The following SELENON variants were observed in gnomAD, a reference collection of about 807,000 sequenced individuals.
The protein encoded by SELENON is selenoprotein N, also known as selenoprotein N, 1.
Under a neutral mutation model 59.5 loss-of-function variants are expected in SELENON, and 44 were observed. That is an observed-to-expected ratio of 0.74 (90% confidence interval 0.58 to 0.95). SELENON has a LOEUF of 0.95. SELENON is among the 40% of genes least tolerant of loss of function. The pLI is 0.00. For synonymous variants in SELENON, 320 were observed against 305.6 expected (o/e 1.05, Z -0.49); for missense variants, 674 against 721.4 (o/e 0.93, Z 0.75).
At chr1:25,806,174 G>A (rs2047905611) in intron 4 of SELENON, among the ~76,000 whole-genome samples, 1 of 152,266 alleles carries the variant, frequency 6.6e-6, no homozygotes, top group Non-Finnish European at 1.5e-5. Flanking sequence ...ACTGAGGCCA[G>A]GCAGTGGGTG....
In SELENON at chr1:25,809,571, C is replaced by T. The variant is rs2047940103; in HGVS notation, c.873-112C>T. 8.7e-6 allele frequency: 13 copies of T among 1,488,636 alleles called. 1 individual carries two copies. The South Asian group carries it at 1.5e-4, about 17-fold the overall frequency. 92.2% of individuals were successfully genotyped at this position (1,488,636 alleles called of 1,614,324 possible). ...GCCTCGCTGCTGCCCACTGGCCCAT[C>T]CACCTCCACCCCCACACTCAGCCTC... On this transcript the variant is annotated intron_variant, in intron 6 of 12. Transcript: ENST00000361547.
At position 25,810,448 on chromosome 1, in the gene SELENON, T is replaced by C. The variant is rs142021988; in HGVS notation, c.1010+628T>C. Among the ~76,000 whole-genome samples, 9 of 152,288 alleles carry C rather than the reference T, an allele frequency of 5.9e-5. No individual in the cohort carries two copies. The East Asian group carries it at 1.5e-3, about 26-fold the overall frequency. On this transcript the variant is annotated intron_variant, in intron 7 of 12. Coordinates refer to ENST00000361547, the MANE Select transcript of SELENON (RefSeq NM_020451.3). ...CAAGTTTGTCCAGATTCCTAACTGATAGCAAGTGGCCACCGAGTGGGCCTG... is the reference window on the plus strand; with the variant it reads ...CAAGTTTGTCCAGATTCCTAACTGACAGCAAGTGGCCACCGAGTGGGCCTG...
chr1:25,813,542 G>C (rs2047984625), intron 10 of SELENON: 1 of 392,374 alleles, frequency 2.5e-6, no homozygotes, highest in Admixed American at 3.6e-5. Flanking sequence ...GGATGAGTAG[G>C]AGTTTCTCAA....
chr1:25,808,568 C>T lies in SELENON; in HGVS notation c.538-12C>T, dbSNP rs1430584009. ...TCTCAGATTCCTGGAGCTTTGCTTT[C>T]CCCCGCCCCAGGTCTCCCGCCTCGC... On this transcript the variant is annotated splice_polypyrimidine_tract_variant and intron_variant, in intron 4 of 12. Transcript: ENST00000361547. 1 of 1,612,834 alleles carries T rather than the reference C, an allele frequency of 6.2e-7. No individual in the cohort carries two copies. The highest frequency in any genetic ancestry group is 8.5e-7 in the Non-Finnish European group (1 of 1,179,610).
At position 25,808,099 on chromosome 1, in the gene SELENON, C is replaced by T. The variant is rs139708745; in HGVS notation, c.538-481C>T. 2.3e-3 allele frequency among the ~76,000 whole-genome samples: 347 copies of T among 152,332 alleles called. 1 individual carries two copies. Among genetic ancestry groups the T allele is most frequent in the Non-Finnish European group, 3.7e-3 (254 of 68,028 alleles). ...CTGAGCTGGCCAGTGGGACATTAGT[C>T]CCTGGGAGGAGACTTGGAGAGGAGA... On this transcript the variant is annotated intron_variant, in intron 4 of 12. Coordinates refer to ENST00000361547, the MANE Select transcript of SELENON (RefSeq NM_020451.3).
chr1:25,803,771 C>T (rs1026845370), intron 3 of SELENON, among the ~76,000 whole-genome samples: 4 of 150,572 alleles, frequency 2.7e-5, no homozygotes, highest in African/African-American at 4.9e-5. Context: ...GTGCTCGGCT[C>T]ACTGCAACCT....
chr1:25,800,641 A>G (rs2047853032), intron 1 of SELENON, among the ~76,000 whole-genome samples: 1 of 151,704 alleles, frequency 6.6e-6, no homozygotes, highest in Non-Finnish European at 1.5e-5. Context: ...GCTGGGACAG[A>G]CTGGAGGGGT....
In SELENON at chr1:25,800,240, G is replaced by C. The variant is rs1371866855; in HGVS notation, c.10G>C (p.Ala4Pro). 1.2e-5 allele frequency: 10 copies of C among 846,352 alleles called. No individual in the cohort carries two copies. The East Asian group carries it at 8.7e-4, about 74-fold the overall frequency. 52.4% of individuals were successfully genotyped at this position (846,352 alleles called of 1,614,324 possible). A position where few individuals can be genotyped will look rare whatever the true frequency, so the allele number is the denominator to read the frequency against. ...GCCGCCAGCCGCAGCCATGGGCCGG[G>C]CCCGGCCGGGCCAACGCGGGCCGCC... The change falls in exon 1 of 13, where the codon GCC becomes CCC. Residue 4 changes from alanine (A) to proline (P), a missense_variant. Physicochemically the swap from Ala to Pro is conservative, Grantham distance 27 (BLOSUM62 -1). Coordinates refer to ENST00000361547, the MANE Select transcript of SELENON (RefSeq NM_020451.3).
In SELENON at chr1:25,808,635, G is replaced by A. The variant is rs2124447180; in HGVS notation, c.593G>A (p.Ser198Asn). 4 of 1,613,828 alleles carry A rather than the reference G, an allele frequency of 2.5e-6. No homozygotes were observed. Among genetic ancestry groups the A allele is most frequent in the Non-Finnish European group, 3.4e-6 (4 of 1,179,948 alleles). The change falls in exon 5 of 13, where the codon AGT becomes AAT. Residue 198 changes from serine (S) to asparagine (N), a missense_variant. Coordinates refer to ENST00000361547, the MANE Select transcript of SELENON (RefSeq NM_020451.3). Reference sequence around the variant, plus strand: ...AACTGGACAGCCGCCGCCTCACCAAGTGCAGTGTTTGCCACCCGCCACTTC... The same window carrying A: ...AACTGGACAGCCGCCGCCTCACCAAATGCAGTGTTTGCCACCCGCCACTTC...
chr1:25,805,309 G>T, intron 4 of SELENON, 34 bp downstream of exon 3: 1 of 1,613,584 alleles, frequency 6.2e-7, no homozygotes, highest in Non-Finnish European at 8.5e-7. Flanking sequence ...GGGGTCATCT[G>T]TGTGTATCCC....
At chr1:25,815,397 G>A in intron 12 of SELENON, 151 bp from the exon 12 acceptor site, 1 of 677,472 alleles carries the variant, frequency 1.5e-6, no homozygotes. Context: ...GTGCTGGCGA[G>A]GGCTTACGGC....
chr1:25,805,336 T>G, intron 4 of SELENON, 61 bp downstream of exon 3: 1 of 1,608,364 alleles, frequency 6.2e-7, no homozygotes, highest in Non-Finnish European at 8.5e-7. Flanking sequence ...GAGTTTCTGC[T>G]CCATTCATCC....
At chr1:25,812,848 G>A (rs1370367175) in intron 10 of SELENON, 56 bp downstream of exon 9, 2 of 1,353,904 alleles carry the variant, frequency 1.5e-6, no homozygotes, top group Non-Finnish European at 2.1e-6. Flanking sequence ...ACCTTGTGGG[G>A]TACCAGAGGC....
At chr1:25,801,197 C>G (rs748144111) in intron 2 of SELENON, 37 bp downstream of exon 2, 1 of 1,541,490 alleles carries the variant, frequency 6.5e-7, no homozygotes, top group South Asian at 1.1e-5. Flanking sequence ...AGGAGGGCGC[C>G]TTGGCCAACG....
chr1:25,815,385 G>A (rs749032557), intron 12 of SELENON, among the ~76,000 whole-genome samples, 163 bp from the exon 12 acceptor site: 7 of 152,168 alleles, frequency 4.6e-5, no homozygotes, highest in Non-Finnish European at 7.4e-5. Flanking sequence ...AGATGGTGTC[G>A]GGTGCTGGCG....
rs535994182 is a variant in SELENON, at chr1:25,808,458, G to C, written c.538-122G>C. The C allele has an allele frequency of 6.3e-6, 7 of 1,104,416 alleles. No homozygotes were observed. In the East Asian group the frequency reaches 1.7e-4, roughly 26 times the overall value. 68.4% of individuals were successfully genotyped at this position (1,104,416 alleles called of 1,614,324 possible). On this transcript the variant is annotated intron_variant, in intron 4 of 12. Transcript: ENST00000361547. Reference sequence around the variant, plus strand: ...ATCATAAGGGCAGGAACCTCCCTGGGGTCCATCTGCTCCCTTGGTGTGGGC... The same window carrying C: ...ATCATAAGGGCAGGAACCTCCCTGGCGTCCATCTGCTCCCTTGGTGTGGGC...
At chr1:25,813,125 G>A (rs1572236286) in intron 10 of SELENON, among the ~76,000 whole-genome samples, 2 of 152,338 alleles carry the variant, frequency 1.3e-5, no homozygotes, top group Middle Eastern at 6.8e-3. Flanking sequence ...GGACATGGAG[G>A]TGAAAGTGCC....
rs538707361 is a variant in SELENON, at chr1:25,809,012, C to T, written c.748-14C>T. 6.2e-7 allele frequency: 1 copy of T among 1,613,468 alleles called. No individual in the cohort carries two copies. The highest frequency in any genetic ancestry group is 2.2e-5 in the East Asian group (1 of 44,862). ...GGACCCAGCAAGCCAGTACGTGCCT[C>T]CCGCCGCCCCCAGGTCATCATCCAC... On this transcript the variant is annotated splice_polypyrimidine_tract_variant and intron_variant, in intron 5 of 12. Transcript: ENST00000361547.
intron 4 of SELENON, among the ~76,000 whole-genome samples, chr1:25,805,513 G>C (rs2047899259): frequency 6.6e-6 from 1 of 152,112 alleles, no homozygotes; most frequent in Admixed American, 6.5e-5. Context: ...TAGAGGAAGT[G>C]ACATCTGGTA....
Sources: gnomAD v4.1 joint callset for allele counts (sites outside exome capture counted in the v4.1 genomes callset) on GRCh38, gnomAD v4.1.1 for gene constraint, MANE v1.5 for transcripts, NCBI Gene and HGNC (gene_info 2026-07-23, HGNC 2026-07-21) for gene names.